PKD2: variants seen among roughly 807,000 people sequenced by gnomAD.
PKD2 encodes polycystin-2.
In PKD2, 48 loss-of-function variants were observed where a neutral mutation model predicts 105.9. The observed-to-expected ratio is 0.45, with a 90% CI of 0.36 to 0.58. The LOEUF is 0.58. PKD2 is among the 20% of genes least tolerant of loss of function. PKD2 has a pLI of 0.00. For missense variants in PKD2, 1,078 were observed against 1,255.3 expected, an observed-to-expected ratio of 0.86 and a Z score of 2.13; for synonymous variants, 464 against 481.1, an observed-to-expected ratio of 0.96 and a Z score of 0.46.
At chr4:88,070,163 T>A (rs1284199055) in intron 13 of PKD2, among the ~76,000 whole-genome samples, 1 of 152,136 alleles carries the variant, frequency 6.6e-6, no homozygotes, top group Admixed American at 6.6e-5. Context: ...CTCCTTCATT[T>A]CCTCTGGCTT....
intron 2 of PKD2, among the ~76,000 whole-genome samples, chr4:88,034,455 G>A (rs965280034): frequency 6.6e-6 from 1 of 151,926 alleles, no homozygotes; most frequent in Non-Finnish European, 1.5e-5. Context: ...CATCACCTGA[G>A]GTCTGGAGTT....
At chr4:88,013,587 A>G (rs565468512) in intron 1 of PKD2, among the ~76,000 whole-genome samples, 5 of 152,152 alleles carry the variant, frequency 3.3e-5, no homozygotes, top group South Asian at 4.2e-4. Flanking sequence ...CTGTGGTCCC[A>G]GTTATTTGGG....
intron 13 of PKD2, among the ~76,000 whole-genome samples, chr4:88,073,101 A>G (rs1427917618): frequency 6.6e-6 from 1 of 150,692 alleles, no homozygotes; most frequent in Admixed American, 6.6e-5. Flanking sequence ...CTGTAATCCT[A>G]GCACTATGGG....
chr4:88,037,902 TTA>T (rs1235616662), intron 3 of PKD2, among the ~76,000 whole-genome samples: 2 of 152,206 alleles, frequency 1.3e-5, no homozygotes, highest in African/African-American at 4.8e-5. Context: ...GTGTGGGACA[TTA>T]TTTTAATAAG....
intron 8 of PKD2, among the ~76,000 whole-genome samples, chr4:88,056,900 C>G (rs1425516056): frequency 1.3e-5 from 2 of 152,176 alleles, no homozygotes; most frequent in Non-Finnish European, 2.9e-5. Context: ...CACTTGGCCA[C>G]TTTGATCCCA....
At chr4:88,013,750 TC>T (rs1399525487) in intron 1 of PKD2, among the ~76,000 whole-genome samples, 1 of 148,480 alleles carries the variant, frequency 6.7e-6, no homozygotes, top group Non-Finnish European at 1.5e-5. Flanking sequence ...CCTGGAGAGG[TC>T]AGAGAAGGTT....
chr4:88,038,196 G>A (rs1727409982), intron 3 of PKD2, 55 bp from the exon 4 acceptor site: 3 of 1,598,800 alleles, frequency 1.9e-6, no homozygotes, highest in African/African-American at 1.3e-5. Flanking sequence ...TGCAGGCAGG[G>A]GCAAGACAGC....
Position 88,065,779 on chromosome 4 carries a change from C to G in PKD2, c.2258C>G (p.Ala753Gly). The change falls in exon 12 of 15, where the codon GCA (alanine) becomes GGA (glycine). Residue 753 changes from alanine (A) to glycine (G), a missense_variant. Physicochemically the swap from Ala to Gly is moderately conservative, Grantham distance 60. This residue lies in a region of PKD2 where 868 missense variants were observed against 1,067.3 expected (regional missense o/e 0.81). Coordinates refer to ENST00000237596, the MANE Select transcript of PKD2 (RefSeq NM_000297.4). ...QDLKGKGHTDAEIEAIFTKYD... is the reference protein window; with the variant it reads ...QDLKGKGHTDGEIEAIFTKYD... ...AATTTCAGGAAGGGCCATACTGATG[C>G]AGAGATTGAGGCAATATTCACAAAG... 6.2e-7 allele frequency: 1 copy of G among 1,610,826 alleles called. No homozygotes were observed. Among genetic ancestry groups the G allele is most frequent in the Non-Finnish European group, 8.5e-7 (1 of 1,177,112 alleles).
At chr4:88,057,669 C>T (rs955238836) in intron 8 of PKD2, among the ~76,000 whole-genome samples, 25 of 151,948 alleles carry the variant, frequency 1.6e-4, no homozygotes, top group Non-Finnish European at 3.2e-4. Flanking sequence ...CTCCTGACCT[C>T]GTGATCCGCC....
Position 88,008,273 on chromosome 4 carries a change from G to A in PKD2, c.540G>A (p.Leu180=). The change falls in exon 1 of 15, where the codon CTG becomes CTA. Residue 180 remains leucine (L), a synonymous_variant. Coordinates refer to ENST00000237596, the MANE Select transcript of PKD2 (RefSeq NM_000297.4). ...ACCCGCTGCATCGCCACCTCCCCCT[G>A]GAAGGGCAGCCGCCCCGAGTGGCCT... ...GGDPLHRHLP[L]EGQPPRVAWA... The A allele has an allele frequency of 6.8e-7, 1 of 1,475,828 alleles. No individual in the cohort carries two copies. Among genetic ancestry groups the A allele is most frequent in the Non-Finnish European group, 8.9e-7 (1 of 1,118,668 alleles). 91.4% of individuals were successfully genotyped at this position (1,475,828 alleles called of 1,614,324 possible).
At chr4:88,057,624 CG>C (rs1409868382) in intron 8 of PKD2, among the ~76,000 whole-genome samples, 3 of 151,738 alleles carry the variant, frequency 2.0e-5, no homozygotes, top group Non-Finnish European at 4.4e-5. Context: ...TTAGTAGAGA[CG>C]GGGTTTCACT....
intron 7 of PKD2, 55 bp from the exon 8 acceptor site, chr4:88,056,031 C>T: frequency 9.4e-7 from 1 of 1,062,704 alleles, no homozygotes; most frequent in Non-Finnish European, 1.5e-6. Flanking sequence ...TTATTATATA[C>T]AGTCACACCA....
chr4:88,025,521 A>G (rs1424498315), intron 2 of PKD2, among the ~76,000 whole-genome samples: 2 of 151,636 alleles, frequency 1.3e-5, no homozygotes, highest in African/African-American at 2.4e-5. Context: ...GGCTGAGGCA[A>G]GAGGATGACT....
intron 7 of PKD2, among the ~76,000 whole-genome samples, chr4:88,053,181 G>T (rs908182741): frequency 7.9e-5 from 12 of 152,090 alleles, no homozygotes; most frequent in Admixed American, 1.3e-4. Flanking sequence ...AATTAAAAAC[G>T]CAGTTCCTTG....
intron 2 of PKD2, among the ~76,000 whole-genome samples, chr4:88,023,075 A>T (rs958361682): frequency 6.6e-6 from 1 of 152,088 alleles, no homozygotes; most frequent in Non-Finnish European, 1.5e-5. Context: ...ACAGAGCAAG[A>T]CCCTGTCTCA....
chr4:88,007,787 G>T lies in PKD2; in HGVS notation c.54G>T (p.Pro18=). The part of the protein sequence containing the change: ...QPQQPGDAKR[P]PAPRAPDPGR... ...AGCAGCCCGGGGACGCCAAGCGGCC[G>T]CCCGCGCCCCGCGCGCCGGACCCGG... Residue 18 remains proline (P), a synonymous_variant, in exon 1 of 15, where the codon CCG becomes CCT. Coordinates refer to ENST00000237596, the MANE Select transcript of PKD2 (RefSeq NM_000297.4). The T allele has an allele frequency of 8.6e-7, 1 of 1,160,252 alleles. No individual in the cohort carries two copies. The highest frequency in any genetic ancestry group is 1.1e-6 in the Non-Finnish European group (1 of 937,420). 71.9% of individuals were successfully genotyped at this position (1,160,252 alleles called of 1,614,324 possible). A position where few individuals can be genotyped will look rare whatever the true frequency, so the allele number is the denominator to read the frequency against.
At chr4:88,018,069 G>C (rs1726620171) in intron 1 of PKD2, among the ~76,000 whole-genome samples, 1 of 152,188 alleles carries the variant, frequency 6.6e-6, no homozygotes, top group Non-Finnish European at 1.5e-5. Context: ...TAGTGTTTCA[G>C]TGAACAAACA....
intron 1 of PKD2, among the ~76,000 whole-genome samples, chr4:88,015,024 A>G (rs1467171426): frequency 1.3e-5 from 2 of 152,216 alleles, no homozygotes; most frequent in East Asian, 1.9e-4. Context: ...CCAGAGCCCT[A>G]TGTTGCACCA....
intron 7 of PKD2, among the ~76,000 whole-genome samples, chr4:88,054,672 T>G (rs999202317): frequency 7.6e-5 from 10 of 130,800 alleles, no homozygotes; most frequent in Middle Eastern, 4.1e-3. Flanking sequence ...TTTTTTTTTT[T>G]GGGACGGAGT....
Sources: allele counts gnomAD v4.1 joint callset (sites outside exome capture counted in the v4.1 genomes callset), GRCh38; gene constraint gnomAD v4.1.1; regional missense constraint gnomAD v4.1.1; transcripts MANE v1.5; gene names NCBI Gene and HGNC (gene_info 2026-07-23, HGNC 2026-07-21).